Variants in NXPH1 observed in about 807,000 individuals in gnomAD.
NXPH1 encodes neurexophilin-1.
A neutral mutation model predicts 23.7 loss-of-function variants in NXPH1; 5 were observed. The observed-to-expected ratio is 0.21, with a 90% CI of 0.11 to 0.44. NXPH1 has a LOEUF of 0.44. Among genes scored for constraint, NXPH1 ranks in the 20% least tolerant of loss-of-function variants. The probability of loss-of-function intolerance (pLI) is 0.99; values close to 1 mark genes in which losing one functional copy is unlikely to be tolerated. For missense variants in NXPH1, 324 were observed against 321.6 expected, an observed-to-expected ratio of 1.01 and a Z score of -0.06; for synonymous variants, 144 against 122.2, an observed-to-expected ratio of 1.18 and a Z score of -1.18.
chr7:8,699,062 A>T (rs996062442), intron 2 of NXPH1, among the ~76,000 whole-genome samples: 2 of 152,176 alleles, frequency 1.3e-5, no homozygotes, highest in African/African-American at 4.8e-5. Context: ...ACAAATAATT[A>T]CATTTGGAGG....
chr7:8,717,993 C>T (rs1779906092), intron 2 of NXPH1, among the ~76,000 whole-genome samples: 1 of 151,590 alleles, frequency 6.6e-6, no homozygotes, highest in Non-Finnish European at 1.5e-5. Context: ...CTTGATGACT[C>T]AGGATGTAAA....
intron 2 of NXPH1, among the ~76,000 whole-genome samples, chr7:8,717,219 G>A (rs766316112): frequency 6.6e-6 from 1 of 152,000 alleles, no homozygotes; most frequent in Non-Finnish European, 1.5e-5. Context: ...TGTGTCTCTA[G>A]CTGTATTCAT....
chr7:8,700,264 TTCTATTA>T (rs1185669586), intron 2 of NXPH1, among the ~76,000 whole-genome samples: 1 of 152,168 alleles, frequency 6.6e-6, no homozygotes, highest in African/African-American at 2.4e-5. Context: ...AGAAGGAGGT[TTCTATTA>T]CTTCTATTTA....
At chr7:8,474,407 C>G (rs1816932131) in intron 2 of NXPH1, among the ~76,000 whole-genome samples, 1 of 151,996 alleles carries the variant, frequency 6.6e-6, no homozygotes, top group African/African-American at 2.4e-5. Flanking sequence ...ATAGAGAAGT[C>G]TAAAAATGAA....
chr7:8,684,442 A>C (rs1423607411), intron 2 of NXPH1, among the ~76,000 whole-genome samples: 1 of 152,108 alleles, frequency 6.6e-6, no homozygotes, highest in African/African-American at 2.4e-5. Flanking sequence ...TGGTTTTATT[A>C]ATTCTTAGTC....
chr7:8,568,855 G>A (rs1298699508), intron 2 of NXPH1, among the ~76,000 whole-genome samples: 1 of 151,788 alleles, frequency 6.6e-6, no homozygotes, highest in Non-Finnish European at 1.5e-5. Context: ...ACTGAGTGCA[G>A]TGTTTGATAT....
intron 2 of NXPH1, among the ~76,000 whole-genome samples, chr7:8,560,302 G>C (rs979164460): frequency 6.6e-6 from 1 of 151,638 alleles, no homozygotes; most frequent in Non-Finnish European, 1.5e-5. Flanking sequence ...CTTGGCATTA[G>C]ATATTTCAAA....
At chr7:8,717,894 G>GTATATA (rs3059127) in intron 2 of NXPH1, among the ~76,000 whole-genome samples, 32,973 of 146,888 alleles carry the variant, frequency 0.22, 4,001 homozygotes, top group African/African-American at 0.32. Context: ...CTCTCTGTGT[G>GTATATA]TATATATATA....
chr7:8,451,729 T>C (rs1816509827), intron 2 of NXPH1, among the ~76,000 whole-genome samples: 1 of 152,218 alleles, frequency 6.6e-6, no homozygotes, highest in Non-Finnish European at 1.5e-5. Context: ...TCCTCTTATA[T>C]TCAGAAGTAT....
chr7:8,549,430 A>G (rs1440792077), intron 2 of NXPH1, among the ~76,000 whole-genome samples: 1 of 151,562 alleles, frequency 6.6e-6, no homozygotes. Flanking sequence ...CTGAGTAAGT[A>G]TACTGAATGC....
intron 2 of NXPH1, among the ~76,000 whole-genome samples, chr7:8,544,549 T>C (rs1818171827): frequency 6.6e-6 from 1 of 151,642 alleles, no homozygotes; most frequent in South Asian, 2.1e-4. Context: ...GCATATGCCA[T>C]AAACAAAAGA....
intron 2 of NXPH1, among the ~76,000 whole-genome samples, chr7:8,646,373 T>C (rs1271455303): frequency 2.6e-5 from 4 of 152,204 alleles, no homozygotes; most frequent in Non-Finnish European, 5.9e-5. Context: ...ATAACTTGTA[T>C]ATTATTTCAT....
intron 2 of NXPH1, among the ~76,000 whole-genome samples, chr7:8,488,562 G>T (rs1336297907): frequency 2.6e-5 from 4 of 152,062 alleles, no homozygotes; most frequent in Non-Finnish European, 5.9e-5. Context: ...GCTACCAGAA[G>T]GTACATAATG....
intron 2 of NXPH1, among the ~76,000 whole-genome samples, chr7:8,529,100 A>G (rs1480509378): frequency 6.6e-6 from 1 of 152,228 alleles, no homozygotes; most frequent in African/African-American, 2.4e-5. Context: ...TCAAGTTAAC[A>G]GTGATGCATT....
rs568969644 is a variant in NXPH1 at position 8,581,506 on chromosome 7, A to G, written c.54+145739A>G. Among the ~76,000 whole-genome samples, 308 of 152,288 alleles carry G rather than the reference A, an allele frequency of 2.0e-3. 1 individual carries two copies. The highest frequency in any genetic ancestry group is 3.6e-3 in the Admixed American group (55 of 15,304). On this transcript the variant is annotated intron_variant, in intron 2 of 2. Coordinates refer to ENST00000405863, the MANE Select transcript of NXPH1 (RefSeq NM_152745.3). ...ATCATGTGAGAGCTCACTCACTGTCATGGAACAGCAAGGGGAAAATCTGCC... is the reference window on the plus strand; with the variant it reads ...ATCATGTGAGAGCTCACTCACTGTCGTGGAACAGCAAGGGGAAAATCTGCC...
At chr7:8,743,758 A>G (rs1239302673) in intron 2 of NXPH1, among the ~76,000 whole-genome samples, 1 of 148,334 alleles carries the variant, frequency 6.7e-6, no homozygotes, top group African/African-American at 2.5e-5. Context: ...ATCTTGGTTC[A>G]CTGCAAGCTC....
At chr7:8,539,775 A>G (rs1818084183) in intron 2 of NXPH1, among the ~76,000 whole-genome samples, 2 of 151,804 alleles carry the variant, frequency 1.3e-5, no homozygotes, top group South Asian at 4.1e-4. Context: ...ATAAATAGAT[A>G]CCATAATAAT....
At chr7:8,567,185 C>T (rs1340114286) in intron 2 of NXPH1, among the ~76,000 whole-genome samples, 3 of 151,830 alleles carry the variant, frequency 2.0e-5, no homozygotes, top group African/African-American at 7.2e-5. Flanking sequence ...ATTTTATCTC[C>T]CCCAAATAAC....
intron 2 of NXPH1, among the ~76,000 whole-genome samples, chr7:8,663,061 G>A (rs1378987506): frequency 2.0e-5 from 3 of 152,070 alleles, no homozygotes; most frequent in Non-Finnish European, 4.4e-5. Flanking sequence ...GGAGATGAAT[G>A]CTTGCCTACA....
Sources: gnomAD v4.1 joint callset for allele counts (sites outside exome capture counted in the v4.1 genomes callset) on GRCh38, gnomAD v4.1.1 for gene constraint, MANE v1.5 for transcripts, NCBI Gene and HGNC (gene_info 2026-07-23, HGNC 2026-07-21) for gene names.